The following C10orf88 variants were observed in gnomAD, a reference collection of about 807,000 sequenced individuals.
The protein encoded by C10orf88 is ATPase PAAT.
A neutral mutation model predicts 34.2 loss-of-function variants in C10orf88; 29 were observed. That is an observed-to-expected ratio of 0.85 (90% CI 0.63 to 1.16). The LOEUF (loss-of-function observed/expected upper bound fraction) is 1.16. Among genes scored for constraint, C10orf88 ranks in the 50% most tolerant of loss-of-function variants. The pLI, the probability that C10orf88 is intolerant of heterozygous loss-of-function variation, is 0.00. For missense variants in C10orf88, 507 were observed against 533.2 expected, an observed-to-expected ratio of 0.95 and a Z score of 0.48; for synonymous variants, 194 against 197.4, an observed-to-expected ratio of 0.98 and a Z score of 0.15.
chr10:122,941,517 T>A (rs1848581141), intron 4 of C10orf88, among the ~76,000 whole-genome samples: 1 of 152,090 alleles, frequency 6.6e-6, no homozygotes, highest in Admixed American at 6.6e-5. Flanking sequence ...ACATGTGTGA[T>A]CACACCACTT....
At chr10:122,938,398 A>G (rs1281810054) in intron 4 of C10orf88, among the ~76,000 whole-genome samples, 1 of 152,050 alleles carries the variant, frequency 6.6e-6, no homozygotes. Context: ...ACTTAACTCC[A>G]CAGTCATGAC....
intron 5 of C10orf88, among the ~76,000 whole-genome samples, chr10:122,933,959 A>G (rs1848509619): frequency 6.6e-6 from 1 of 152,114 alleles, no homozygotes; most frequent in African/African-American, 2.4e-5. Context: ...TTAAACAAAT[A>G]TTTTTATGTA....
rs1188857559 is a variant in C10orf88 at position 122,953,000 on chromosome 10, T to C, written c.197A>G (p.Asn66Ser). 3 of 1,614,100 alleles carry C rather than the reference T, an allele frequency of 1.9e-6. No individual in the cohort carries two copies. The highest frequency in any genetic ancestry group is 2.2e-5 in the East Asian group (1 of 44,894). The change falls in exon 2 of 6, where the codon AAC becomes AGC. Residue 66 changes from asparagine (N) to serine (S), a missense_variant. Coordinates refer to ENST00000481909, the MANE Select transcript of C10orf88 (RefSeq NM_024942.4). ...GAAGCAGGGGTTTTCATCTTTGTTG[T>C]TGTGGTTTCTCTTCAAAATCACCAG... is the stretch of plus-strand genomic sequence containing the variant. The part of the protein sequence containing the change: ...QDLVILKRNH[N>S]NKDENPCFLY...
intron 4 of C10orf88, among the ~76,000 whole-genome samples, chr10:122,945,021 T>C (rs1241352792): frequency 6.6e-6 from 1 of 150,544 alleles, no homozygotes; most frequent in East Asian, 1.9e-4. Flanking sequence ...TGTATATAGA[T>C]ATATGCGTGT....
Position 122,948,715 on chromosome 10 carries a change from C to A in C10orf88, c.582G>T (p.Glu194Asp). ...CAGGAGATAACTTTGACCCCATGGA[C>A]TCCATTATGGTTTGGACCTTGTCAA... Reference protein sequence around the residue: ...IDLDKVQTIMESMGSKLSPGA... With the variant: ...IDLDKVQTIMDSMGSKLSPGA... Residue 194 changes from glutamate (E) to aspartate (D), a missense_variant, in exon 4 of 6, where the codon GAG (glutamate) becomes GAT (aspartate). Glu to Asp is a conservative substitution (Grantham distance 45). Transcript: ENST00000481909. 2 of 1,613,998 alleles carry A rather than the reference C, an allele frequency of 1.2e-6. No individual in the cohort carries two copies. The highest frequency in any genetic ancestry group is 1.7e-6 in the Non-Finnish European group (2 of 1,179,906).
chr10:122,940,082 A>G (rs1260201856), intron 4 of C10orf88, among the ~76,000 whole-genome samples: 2 of 151,964 alleles, frequency 1.3e-5, no homozygotes, highest in Non-Finnish European at 2.9e-5. Flanking sequence ...TGGGATCTCA[A>G]AAAGATTATC....
Position 122,931,863 on chromosome 10 carries a change from G to GTA in C10orf88, c.*562_*563dup, listed in dbSNP as rs1848487024. On this transcript the variant is annotated 3_prime_UTR_variant, in exon 6 of 6. Transcript: ENST00000481909. ...TTACTTTCCTACCTACAGCTACTCT[G>GTA]TAATGAAACAAATAATATTAACAAC... The GTA allele has an allele frequency of 1.3e-5, 2 of 152,496 alleles. No individual in the cohort carries two copies. The highest frequency in any genetic ancestry group is 4.8e-5 in the African/African-American group (2 of 41,438). 9.4% of individuals were successfully genotyped at this position (152,496 alleles called of 1,614,324 possible). A position where few individuals can be genotyped will look rare whatever the true frequency, so the allele number is the denominator to read the frequency against.
Position 122,954,070 on chromosome 10 carries a change from C to T in C10orf88, c.109G>A (p.Gly37Ser), listed in dbSNP as rs760935955. Residue 37 changes from glycine to serine, a missense_variant, in exon 1 of 6, where the codon GGT becomes AGT. Coordinates refer to ENST00000481909, the MANE Select transcript of C10orf88 (RefSeq NM_024942.4). Reference protein sequence around the residue: ...LTHSLLLTRAGLGPGDFDWEE... With the variant: ...LTHSLLLTRASLGPGDFDWEE... The stretch of plus-strand genomic sequence containing the variant: ...CAGTCGAAGTCACCGGGGCCGAGAC[C>T]GGCCCGGGTGAGGAGGAGGCTGTGG... The T allele has an allele frequency of 3.2e-6, 5 of 1,554,752 alleles. No individual in the cohort carries two copies. In the East Asian group the frequency reaches 7.4e-5, roughly 23 times the overall value.
intron 5 of C10orf88, among the ~76,000 whole-genome samples, chr10:122,936,801 T>A (rs1160930726): frequency 6.6e-6 from 1 of 152,004 alleles, no homozygotes; most frequent in Non-Finnish European, 1.5e-5. Flanking sequence ...TGTCTTTTAT[T>A]GGTTTCTAGT....
At chr10:122,950,663 C>T (rs1848681741) in intron 3 of C10orf88, among the ~76,000 whole-genome samples, 1 of 152,126 alleles carries the variant, frequency 6.6e-6, no homozygotes, top group African/African-American at 2.4e-5. Flanking sequence ...ATTGAGTCTC[C>T]TTATTGTCTG....
chr10:122,931,453 A>C lies in C10orf88; in HGVS notation c.*974T>G, dbSNP rs1848484077. Reference sequence around the variant, plus strand: ...ATACCCTTTTTCTAAAAAATAAGACATTTGAAGTAAAGATTAGTTGAAATA... The same window carrying C: ...ATACCCTTTTTCTAAAAAATAAGACCTTTGAAGTAAAGATTAGTTGAAATA... On this transcript the variant is annotated 3_prime_UTR_variant, in exon 6 of 6. Coordinates refer to ENST00000481909, the MANE Select transcript of C10orf88 (RefSeq NM_024942.4). The C allele has an allele frequency of 6.6e-6, 1 of 152,200 alleles. No homozygotes were observed. Among genetic ancestry groups the C allele is most frequent in the African/African-American group, 2.4e-5 (1 of 41,448 alleles). The allele number at this position is 152,200 out of a possible 1,614,324, so 9.4% of individuals were successfully genotyped here.
chr10:122,936,039 G>A (rs1848531500), intron 5 of C10orf88, among the ~76,000 whole-genome samples: 1 of 151,828 alleles, frequency 6.6e-6, no homozygotes, highest in Non-Finnish European at 1.5e-5. Context: ...TAAAATTGAT[G>A]TTCTTTAAAT....
chr10:122,933,620 CTA>C (rs1848506280), intron 5 of C10orf88, among the ~76,000 whole-genome samples: 2 of 152,154 alleles, frequency 1.3e-5, no homozygotes, highest in Non-Finnish European at 2.9e-5. Flanking sequence ...GCTACAAAAT[CTA>C]TGTTATTGCC....
chr10:122,938,586 C>T lies in C10orf88; in HGVS notation c.649-427G>A, dbSNP rs183506688. On this transcript the variant is annotated intron_variant, in intron 4 of 5. Coordinates refer to ENST00000481909, the MANE Select transcript of C10orf88 (RefSeq NM_024942.4). ...TTTCTTAAAATTCAATTATATCATT[C>T]CCAACTGTCAAAATACGGTAAGTTA... Among the ~76,000 whole-genome samples the T allele has an allele frequency of 2.7e-3, 416 of 152,122 alleles. 1 individual carries two copies. Among genetic ancestry groups the T allele is most frequent in the South Asian group, 8.9e-3 (43 of 4,822 alleles).
chr10:122,936,889 C>A (rs1202023628), intron 5 of C10orf88, among the ~76,000 whole-genome samples: 3 of 151,890 alleles, frequency 2.0e-5, no homozygotes, highest in Non-Finnish European at 4.4e-5. Context: ...CTTTGTGACT[C>A]AAGATATAAT....
intron 1 of C10orf88, 72 bp from the exon 2 acceptor site, chr10:122,953,104 G>T: frequency 8.0e-7 from 1 of 1,250,638 alleles, no homozygotes; most frequent in Non-Finnish European, 1.1e-6. Context: ...TTGAGACGGA[G>T]TCTGGCTCTG....
chr10:122,949,402 TA>T (rs1448321355), intron 3 of C10orf88, among the ~76,000 whole-genome samples: 6 of 152,174 alleles, frequency 3.9e-5, no homozygotes, highest in Non-Finnish European at 8.8e-5. Flanking sequence ...CGTGACATGA[TA>T]AAATGCCTAC....
rs61751030 is a variant in C10orf88, at chr10:122,937,754, C to T, written c.1054G>A (p.Glu352Lys). The T allele has an allele frequency of 1.2e-4, 198 of 1,612,516 alleles. No individual in the cohort carries two copies. The African/African-American group carries it at 1.8e-3, about 15-fold the overall frequency. The change falls in exon 5 of 6, where the codon GAG becomes AAG. Residue 352 changes from glutamate to lysine, a missense_variant. Coordinates refer to ENST00000481909, the MANE Select transcript of C10orf88 (RefSeq NM_024942.4). ...TGCTTGGTGATGTTTTCCTGACACT[C>T]GGTCTTATTTCCCACATGGAGATGA... is the stretch of plus-strand genomic sequence containing the variant. ...VNHLHVGNKT[E>K]CQENITKHGE...
At chr10:122,944,934 T>G (rs1391220110) in intron 4 of C10orf88, among the ~76,000 whole-genome samples, 1 of 151,694 alleles carries the variant, frequency 6.6e-6, no homozygotes. Flanking sequence ...CTATTCAAAC[T>G]TACTCCCTGA....
Sources: gnomAD v4.1 joint callset for allele counts (sites outside exome capture counted in the v4.1 genomes callset) on GRCh38, gnomAD v4.1.1 for gene constraint, MANE v1.5 for transcripts, NCBI Gene and HGNC (gene_info 2026-07-23, HGNC 2026-07-21) for gene names.